The following KCNQ1 variants were observed in gnomAD, a reference collection of about 807,000 sequenced individuals.
KCNQ1 encodes potassium voltage-gated channel subfamily KQT member 1.
In KCNQ1, 49 loss-of-function variants were observed where a neutral mutation model predicts 72.4. The ratio of observed to expected loss-of-function variants is 0.68; its 90% confidence interval spans 0.54 to 0.86. The LOEUF (loss-of-function observed/expected upper bound fraction) is 0.86. Ranked by LOEUF, KCNQ1 falls within the 40% of genes least tolerant of loss-of-function variation. KCNQ1 has a pLI of 0.00. For missense variants in KCNQ1, 790 were observed against 945.1 expected (o/e 0.84, Z 2.15); for synonymous variants, 450 against 412.6 (o/e 1.09, Z -1.10).
In KCNQ1 at chr11:2,671,592, A is replaced by G; in HGVS notation, c.1514+9511A>G. ...GCACTGAGCATTTATACAAGATCAG[A>G]CTGCACTGCACCCTAAGTATAAACC... On this transcript the variant is annotated intron_variant, in intron 11 of 15. Transcript: ENST00000155840. The surrounding 1 kb of genome is among the most constrained non-coding windows in gnomAD (Gnocchi z 4.7). The G allele has an allele frequency of 2.5e-6, 1 of 398,616 alleles. No homozygotes were observed. Among genetic ancestry groups the G allele is most frequent in the Middle Eastern group, 6.3e-4 (1 of 1,588 alleles). The allele number at this position is 398,616 out of a possible 1,614,324, so 24.7% of individuals were successfully genotyped here. A position where few individuals can be genotyped will look rare whatever the true frequency, so the allele number is the denominator to read the frequency against.
chr11:2,523,372 A>G (rs997524509), intron 1 of KCNQ1, among the ~76,000 whole-genome samples: 4 of 151,906 alleles, frequency 2.6e-5, no homozygotes, highest in Non-Finnish European at 5.9e-5. Context: ...TAATTTTTTC[A>G]TATTTTTAGT....
At chr11:2,758,438 C>CCCATCTG (rs1846338106) in intron 11 of KCNQ1, among the ~76,000 whole-genome samples, 2 of 152,176 alleles carry the variant, frequency 1.3e-5, no homozygotes, top group South Asian at 4.1e-4. Flanking sequence ...AACGGGATTG[C>CCCATCTG]CCATCTGTTG....
intron 1 of KCNQ1, among the ~76,000 whole-genome samples, chr11:2,456,351 CTG>C (rs1343031476): frequency 6.6e-6 from 1 of 151,526 alleles, no homozygotes; most frequent in Non-Finnish European, 1.5e-5. Flanking sequence ...AGATTACAAA[CTG>C]AAAAAATCCT....
At chr11:2,650,051 C>A (rs1849733735) in intron 10 of KCNQ1, 2 of 398,110 alleles carry the variant, frequency 5.0e-6, no homozygotes, top group Admixed American at 8.8e-5. Context: ...GAAATTATTT[C>A]TTCTGCTTGA....
chr11:2,561,449 A>C (rs1848165949), intron 2 of KCNQ1, among the ~76,000 whole-genome samples: 1 of 152,140 alleles, frequency 6.6e-6, no homozygotes, highest in South Asian at 2.1e-4. Flanking sequence ...CACATGGGAC[A>C]CCACCTTCCT....
At position 2,696,423 on chromosome 11, in the gene KCNQ1, T is replaced by A. The variant is rs1054078339; in HGVS notation, c.1514+34342T>A. 39 of 398,584 alleles carry A rather than the reference T, an allele frequency of 9.8e-5. No individual in the cohort carries two copies. In the Admixed American group the frequency reaches 1.3e-3, roughly 13 times the overall value. The allele number at this position is 398,584 out of a possible 1,614,324, so 24.7% of individuals were successfully genotyped here. ...CCCTTCCTCTAGACTTGGAGTTACC[T>A]CTGAGCTCTCTTCTGGGCCTCTGTC... On this transcript the variant is annotated intron_variant, in intron 11 of 15. Coordinates refer to ENST00000155840, the MANE Select transcript of KCNQ1 (RefSeq NM_000218.3).
In KCNQ1 at chr11:2,562,444, G is replaced by A. The variant is rs573539492; in HGVS notation, c.478-8184G>A. Among the ~76,000 whole-genome samples, 1 of 152,318 alleles carries A rather than the reference G, an allele frequency of 6.6e-6. No homozygotes were observed. Among genetic ancestry groups the A allele is most frequent in the African/African-American group, 2.4e-5 (1 of 41,574 alleles). ...TCTGTGGCTTATCAGGGCCGGGCCG[G>A]TGTGGAGTTGGAACAGCTGGCCCCA... On this transcript the variant is annotated intron_variant, in intron 2 of 15. Transcript: ENST00000155840. The surrounding 1 kb of genome is among the most constrained non-coding windows in gnomAD (Gnocchi z 7.5).
rs1264769380 is a variant in KCNQ1, at chr11:2,803,964, G to T, written c.1794+25927G>T. Reference sequence around the variant, plus strand: ...CTCGGCTCACACAGAGCCTTGGCCAGCATGTGGCCGCAGCCCCAACTGCAG... The same window carrying T: ...CTCGGCTCACACAGAGCCTTGGCCATCATGTGGCCGCAGCCCCAACTGCAG... On this transcript the variant is annotated intron_variant, in intron 15 of 15. Coordinates refer to ENST00000155840, the MANE Select transcript of KCNQ1 (RefSeq NM_000218.3). The surrounding 1 kb of genome is among the most constrained non-coding windows in gnomAD (Gnocchi z 6.4). Among the ~76,000 whole-genome samples, 1 of 152,138 alleles carries T rather than the reference G, an allele frequency of 6.6e-6. No individual in the cohort carries two copies. Among genetic ancestry groups the T allele is most frequent in the Non-Finnish European group, 1.5e-5 (1 of 68,026 alleles).
rs1374495695 is a variant in KCNQ1, at chr11:2,601,540, T to G, written c.1393+12686T>G. Among the ~76,000 whole-genome samples, 1 of 152,158 alleles carries G rather than the reference T, an allele frequency of 6.6e-6. No individual in the cohort carries two copies. The highest frequency in any genetic ancestry group is 1.9e-4 in the East Asian group (1 of 5,194). ...CAGAGTGCTCCCGTCGCCACGGGGT[T>G]CCCATTATTTGTCCTTTTACACGGA... On this transcript the variant is annotated intron_variant, in intron 10 of 15. Transcript: ENST00000155840. The surrounding 1 kb of genome is among the most constrained non-coding windows in gnomAD (Gnocchi z 5.2).
chr11:2,815,645 C>T lies in KCNQ1; in HGVS notation c.1795-32122C>T, dbSNP rs1299496648. Among the ~76,000 whole-genome samples the T allele has an allele frequency of 6.6e-6, 1 of 151,968 alleles. No homozygotes were observed. The highest frequency in any genetic ancestry group is 1.5e-5 in the Non-Finnish European group (1 of 67,972). ...AGAGTTGCAGGGGGGCAGGCACCAT[C>T]GCCCCCAGCCCCAGGCTGACCCCAG... On this transcript the variant is annotated intron_variant, in intron 15 of 15. Transcript: ENST00000155840. The surrounding 1 kb of genome is among the most constrained non-coding windows in gnomAD (Gnocchi z 5.4).
chr11:2,691,339 C>T lies in KCNQ1; in HGVS notation c.1514+29258C>T. On this transcript the variant is annotated intron_variant, in intron 11 of 15. Coordinates refer to ENST00000155840, the MANE Select transcript of KCNQ1 (RefSeq NM_000218.3). This position sits in a 1 kb window ranked among gnomAD's most constrained non-coding sequence, Gnocchi z 6.4. ...CCTGAGCTACAATCCACTGCACTTA[C>T]AGTGACCACCCATCCTGACATCTTG... 5.0e-6 allele frequency: 2 copies of T among 398,652 alleles called. No homozygotes were observed. Among genetic ancestry groups the T allele is most frequent in the East Asian group, 3.6e-5 (1 of 28,068 alleles). The allele number at this position is 398,652 out of a possible 1,614,324, so 24.7% of individuals were successfully genotyped here. A position where few individuals can be genotyped will look rare whatever the true frequency, so the allele number is the denominator to read the frequency against.
rs772132157 is a variant in KCNQ1, at chr11:2,664,975, T to G, written c.1514+2894T>G. The G allele has an allele frequency of 2.5e-6, 1 of 398,350 alleles. No homozygotes were observed. Among genetic ancestry groups the G allele is most frequent in the East Asian group, 3.6e-5 (1 of 28,072 alleles). 24.7% of individuals were successfully genotyped at this position (398,350 alleles called of 1,614,324 possible). ...ATAGCCTTGATTACGGGAAGGTCCC[T>G]GGGGCTGGGCGAAGCTCCTCTTTCC... On this transcript the variant is annotated intron_variant, in intron 11 of 15. Coordinates refer to ENST00000155840, the MANE Select transcript of KCNQ1 (RefSeq NM_000218.3). This position sits in a 1 kb window ranked among gnomAD's most constrained non-coding sequence, Gnocchi z 5.1.
chr11:2,802,304 G>C (rs897686460), intron 15 of KCNQ1, among the ~76,000 whole-genome samples: 2 of 152,206 alleles, frequency 1.3e-5, no homozygotes, highest in African/African-American at 4.8e-5. Flanking sequence ...CCCTGGCTCC[G>C]GCCCTGTCGC....
chr11:2,456,857 T>A (rs1293494848), intron 1 of KCNQ1, among the ~76,000 whole-genome samples: 5 of 141,950 alleles, frequency 3.5e-5, no homozygotes, highest in Non-Finnish European at 7.5e-5. Flanking sequence ...GAGAATGGCG[T>A]GAACCCAGGA....
intron 10 of KCNQ1, chr11:2,625,637 G>A: frequency 2.5e-6 from 1 of 394,192 alleles, no homozygotes; most frequent in African/African-American, 2.1e-5. Context: ...GTGCAGTGGT[G>A]CCATCTCGGC....
chr11:2,823,916 C>T (rs1847788144), intron 15 of KCNQ1, among the ~76,000 whole-genome samples: 1 of 152,172 alleles, frequency 6.6e-6, no homozygotes, highest in South Asian at 2.1e-4. Context: ...AAGGAAGATT[C>T]TAGTAGCTAA....
Position 2,818,455 on chromosome 11 carries a change from G to C in KCNQ1, c.1795-29312G>C, listed in dbSNP as rs1162400706. Among the ~76,000 whole-genome samples the C allele has an allele frequency of 6.6e-6, 1 of 152,204 alleles. No homozygotes were observed. Among genetic ancestry groups the C allele is most frequent in the South Asian group, 2.1e-4 (1 of 4,838 alleles). On this transcript the variant is annotated intron_variant, in intron 15 of 15. Coordinates refer to ENST00000155840, the MANE Select transcript of KCNQ1 (RefSeq NM_000218.3). The surrounding 1 kb of genome is among the most constrained non-coding windows in gnomAD (Gnocchi z 7.2). ...AAGTGCCAAGAGGCCTTCCTCAGAGGAAGAGCAAGGGTAGGTGCCTCTGGC... is the reference window on the plus strand; with the variant it reads ...AAGTGCCAAGAGGCCTTCCTCAGAGCAAGAGCAAGGGTAGGTGCCTCTGGC...
chr11:2,764,821 C>T lies in KCNQ1; in HGVS notation c.1515-4023C>T, dbSNP rs1846465524. The stretch of plus-strand genomic sequence containing the variant: ...AATGTCCTCTGAATAAATGTTTCTG[C>T]ACCTCTAGGTCTATAGTGACATTCC... On this transcript the variant is annotated intron_variant, in intron 11 of 15. Transcript: ENST00000155840. This position sits in a 1 kb window ranked among gnomAD's most constrained non-coding sequence, Gnocchi z 4.8. Among the ~76,000 whole-genome samples the T allele has an allele frequency of 6.6e-6, 1 of 152,160 alleles. No homozygotes were observed.
Position 2,600,916 on chromosome 11 carries a change from T to C in KCNQ1, c.1393+12062T>C, listed in dbSNP as rs7934636. 0.27 allele frequency among the ~76,000 whole-genome samples: 41,790 copies of C among 151,978 alleles called. 8,929 individuals carry two copies. The highest frequency in any genetic ancestry group is 0.58 in the African/African-American group (24,049 of 41,354). On this transcript the variant is annotated intron_variant, in intron 10 of 15. Transcript: ENST00000155840. This position sits in a 1 kb window ranked among gnomAD's most constrained non-coding sequence, Gnocchi z 5.6. ...GTGACCTGATGTCCTTCTCAGTGTA[T>C]CACATCCTGAGGCACACAGTGTATC...
Sources: gnomAD v4.1 joint callset for allele counts (sites outside exome capture counted in the v4.1 genomes callset) on GRCh38, gnomAD v4.1.1 for gene constraint, Gnocchi (gnomAD v3.1) non-coding constraint, MANE v1.5 for transcripts, NCBI Gene and HGNC (gene_info 2026-07-23, HGNC 2026-07-21) for gene names.